The following USP6NL variants were observed in gnomAD, a reference collection of about 807,000 sequenced individuals.
USP6NL encodes the protein USP6 N-terminal like.
In USP6NL, 26 loss-of-function variants were observed where a neutral mutation model predicts 61.9. The ratio of observed to expected loss-of-function variants is 0.42; its 90% confidence interval spans 0.31 to 0.58. The LOEUF (loss-of-function observed/expected upper bound fraction) is 0.58, where lower values mean the gene tolerates loss of function less well. USP6NL is among the 20% of genes least tolerant of loss of function. The probability of loss-of-function intolerance (pLI) is 0.16; values close to 1 mark genes in which losing one functional copy is unlikely to be tolerated. For synonymous variants in USP6NL, 432 were observed against 390.1 expected (o/e 1.11, Z -1.27); for missense variants, 1,114 against 1,034.3 (o/e 1.08, Z -1.06).
rs1036300036 is a variant in USP6NL at position 11,530,736 on chromosome 10, A to C, written c.5-3169T>G. Among the ~76,000 whole-genome samples, 7 of 152,350 alleles carry C rather than the reference A, an allele frequency of 4.6e-5. No individual in the cohort carries two copies. In the East Asian group the frequency reaches 1.3e-3, roughly 29 times the overall value. On this transcript the variant is annotated intron_variant, in intron 2 of 14. Transcript: ENST00000609104. ...TCTGAGGAAACTAAATGAAAATGTT[A>C]ATCTTTGCCAATATTCAGTTTAGAG...
intron 2 of USP6NL, among the ~76,000 whole-genome samples, chr10:11,568,364 A>T (rs1837243717): frequency 6.6e-6 from 1 of 152,150 alleles, no homozygotes; most frequent in African/African-American, 2.4e-5. Flanking sequence ...TGACACAAAG[A>T]CATTCGCTGA....
intron 2 of USP6NL, among the ~76,000 whole-genome samples, chr10:11,533,468 A>C (rs989207498): frequency 2.6e-5 from 4 of 152,246 alleles, no homozygotes; most frequent in African/African-American, 9.6e-5. Flanking sequence ...TTGAGTTCAG[A>C]GATTGCCCTG....
In USP6NL at chr10:11,537,385, T is replaced by C. The variant is rs1284598745; in HGVS notation, c.5-9818A>G. ...CCTTGGCCTCCCAAAGTGCTACGAT[T>C]ATAGGCATGAGCCACAAAGCCCGGC... On this transcript the variant is annotated intron_variant, in intron 2 of 14. Transcript: ENST00000609104. The surrounding 1 kb of genome is among the most constrained non-coding windows in gnomAD (Gnocchi z 5.1). Among the ~76,000 whole-genome samples the C allele has an allele frequency of 8.3e-6, 1 of 120,178 alleles. No homozygotes were observed. Among genetic ancestry groups the C allele is most frequent in the Non-Finnish European group, 2.0e-5 (1 of 49,234 alleles). 78.8% of individuals were successfully genotyped at this position (120,178 alleles called of 152,430 possible). A position where few individuals can be genotyped will look rare whatever the true frequency, so the allele number is the denominator to read the frequency against.
chr10:11,541,275 A>G (rs978857302), intron 2 of USP6NL, among the ~76,000 whole-genome samples: 2 of 104,818 alleles, frequency 1.9e-5, no homozygotes, highest in African/African-American at 3.6e-5. Context: ...ATATATATAT[A>G]TGTATGTCAC....
intron 8 of USP6NL, 133 bp downstream of exon 8, chr10:11,492,986 G>T: frequency 1.5e-6 from 1 of 662,888 alleles, no homozygotes. Context: ...CAACATGGAC[G>T]CAAATGATCT....
At chr10:11,509,453 T>A in intron 6 of USP6NL, 142 bp downstream of exon 6, 1 of 668,142 alleles carries the variant, frequency 1.5e-6, no homozygotes, top group Non-Finnish European at 2.5e-6. Context: ...AAACTCCTAA[T>A]TCGAGGCATA....
rs1443125490 is a variant in USP6NL at position 11,463,410 on chromosome 10, G to A, written c.1518C>T (p.Gly506=). 1.1e-5 allele frequency: 18 copies of A among 1,613,920 alleles called. No individual in the cohort carries two copies. The highest frequency in any genetic ancestry group is 1.5e-5 in the Non-Finnish European group (18 of 1,179,914). The change falls in exon 15 of 15, where the codon GGC becomes GGT. Residue 506 remains glycine, a synonymous_variant. Transcript: ENST00000609104. The surrounding 1 kb of genome is among the most constrained non-coding windows in gnomAD (Gnocchi z 6.3). ...GCGCGGGGTGCGCTGCTCGACCTTT[G>A]CCTTCCATGGTGTATTTGGCAGTTC... ...TERTAKYTME[G]KGRAAHPALA...
At chr10:11,484,074 A>G (rs917970073) in intron 13 of USP6NL, among the ~76,000 whole-genome samples, 25 of 152,204 alleles carry the variant, frequency 1.6e-4, no homozygotes, top group Non-Finnish European at 3.7e-4. Context: ...TGTGCACTCA[A>G]TTAGTTTATA....
intron 2 of USP6NL, among the ~76,000 whole-genome samples, chr10:11,578,631 AT>A (rs1423907446): frequency 6.6e-6 from 1 of 152,208 alleles, no homozygotes; most frequent in Non-Finnish European, 1.5e-5. Context: ...AATCAAAATT[AT>A]TTTTTAAAAT....
intron 2 of USP6NL, among the ~76,000 whole-genome samples, chr10:11,552,419 G>T (rs1470309821): frequency 6.6e-6 from 1 of 152,182 alleles, no homozygotes; most frequent in Non-Finnish European, 1.5e-5. Context: ...AAATAAAGCT[G>T]CTTTAAGCTG....
At position 11,478,243 on chromosome 10, in the gene USP6NL, G is replaced by A. The variant is rs1212098865; in HGVS notation, c.1078+3527C>T. ...AGCCCCTGCTTAGGCTCCAACGCCA[G>A]TGGCAGCAGCGACGTCCACACACCT... On this transcript the variant is annotated intron_variant, in intron 14 of 14. Transcript: ENST00000609104. The surrounding 1 kb of genome is among the most constrained non-coding windows in gnomAD (Gnocchi z 6.8). 2.0e-5 allele frequency among the ~76,000 whole-genome samples: 3 copies of A among 152,212 alleles called. No homozygotes were observed. Among genetic ancestry groups the A allele is most frequent in the Non-Finnish European group, 2.9e-5 (2 of 68,036 alleles).
chr10:11,604,720 T>TCAGCAATTA (rs1307907229), intron 1 of USP6NL, among the ~76,000 whole-genome samples: 2 of 152,190 alleles, frequency 1.3e-5, no homozygotes, highest in African/African-American at 4.8e-5. Flanking sequence ...AAATTTATCT[T>TCAGCAATTA]CAGCAATTAC....
Position 11,468,816 on chromosome 10 carries a change from C to T in USP6NL, c.1079-4967G>A, listed in dbSNP as rs903601203. On this transcript the variant is annotated intron_variant, in intron 14 of 14. Coordinates refer to ENST00000609104, the MANE Select transcript of USP6NL (RefSeq NM_014688.5). This position sits in a 1 kb window ranked among gnomAD's most constrained non-coding sequence, Gnocchi z 4.5. ...GACACATAGTAAAATGTAGAATTAC[C>T]AATATAAGGCATGTGTTTCTTAGGA... Among the ~76,000 whole-genome samples the T allele has an allele frequency of 6.6e-6, 1 of 151,984 alleles. No individual in the cohort carries two copies. Among genetic ancestry groups the T allele is most frequent in the African/African-American group, 2.4e-5 (1 of 41,382 alleles).
chr10:11,536,652 T>G (rs1835844556), intron 2 of USP6NL, among the ~76,000 whole-genome samples: 1 of 152,228 alleles, frequency 6.6e-6, no homozygotes, highest in Admixed American at 6.5e-5. Context: ...CCTCAAGCTC[T>G]GGACTCAAAT....
chr10:11,563,344 T>C (rs1591932029), intron 2 of USP6NL: 1 of 152,192 alleles, frequency 6.6e-6, no homozygotes, highest in African/African-American at 2.4e-5. Context: ...GAAACTCTTC[T>C]GTAACCTTGG....
chr10:11,609,060 T>G (rs1838794837), intron 1 of USP6NL, among the ~76,000 whole-genome samples: 1 of 151,916 alleles, frequency 6.6e-6, no homozygotes, highest in African/African-American at 2.4e-5. Context: ...GCTTTTCTTT[T>G]CTTTTCTTTT....
intron 2 of USP6NL, among the ~76,000 whole-genome samples, chr10:11,594,144 G>A (rs940539508): frequency 2.6e-5 from 4 of 151,686 alleles, no homozygotes; most frequent in Admixed American, 2.0e-4. Flanking sequence ...ACTTGATCAC[G>A]ACCATTTGGA....
At chr10:11,610,714 G>A (rs1353405232) in intron 1 of USP6NL, among the ~76,000 whole-genome samples, 1 of 151,322 alleles carries the variant, frequency 6.6e-6, no homozygotes, top group African/African-American at 2.4e-5. Context: ...AAGGCATGCT[G>A]AAGTCTACGG....
intron 2 of USP6NL, among the ~76,000 whole-genome samples, chr10:11,571,208 T>G (rs1837348389): frequency 6.6e-6 from 1 of 151,880 alleles, no homozygotes. Flanking sequence ...CTCAGCCTCC[T>G]GAGTAGCTGG....
Sources: gnomAD v4.1 joint callset for allele counts (sites outside exome capture counted in the v4.1 genomes callset) on GRCh38, gnomAD v4.1.1 for gene constraint, Gnocchi (gnomAD v3.1) non-coding constraint, MANE v1.5 for transcripts, NCBI Gene and HGNC (gene_info 2026-07-23, HGNC 2026-07-21) for gene names.